CROCC2: variants seen among roughly 807,000 people sequenced by gnomAD.
The protein encoded by CROCC2 is ciliary rootlet coiled-coil, rootletin family member 2.
Under a neutral mutation model 177.6 loss-of-function variants are expected in CROCC2, and 163 were observed. That is an observed-to-expected ratio of 0.92 (90% CI 0.81 to 1.05). CROCC2 has a LOEUF of 1.05. CROCC2 is among the 50% of genes least tolerant of loss of function. The pLI is 0.00. For missense variants in CROCC2, 1,929 were observed against 1,797.8 expected, an observed-to-expected ratio of 1.07 and a Z score of -1.32; for synonymous variants, 904 against 787.3, an observed-to-expected ratio of 1.15 and a Z score of -2.48.
chr2:240,985,777 A>C (rs4675837), intron 28 of CROCC2: 138,019 of 226,140 alleles, frequency 0.61, 45,300 homozygotes, highest in East Asian at 0.86. Flanking sequence ...CCAGGCACTC[A>C]GCACACACCC....
At chr2:240,926,731 G>A (rs190626338) in intron 5 of CROCC2, among the ~76,000 whole-genome samples, 2 of 152,212 alleles carry the variant, frequency 1.3e-5, no homozygotes, top group Non-Finnish European at 2.9e-5. Flanking sequence ...TCCCAGCCCC[G>A]AGCCCCCCAC....
intron 20 of CROCC2, among the ~76,000 whole-genome samples, chr2:240,962,001 ACTC>A (rs2059642793): frequency 7.1e-6 from 1 of 140,452 alleles, no homozygotes; most frequent in Non-Finnish European, 1.5e-5. Flanking sequence ...CCACACACAC[ACTC>A]ATCACCCACA....
intron 3 of CROCC2, among the ~76,000 whole-genome samples, chr2:240,920,910 G>A (rs1172431775): frequency 6.6e-6 from 1 of 152,192 alleles, no homozygotes; most frequent in Non-Finnish European, 1.5e-5. Context: ...GCGTGGAGTG[G>A]GGTGTCCAGC....
Position 240,935,385 on chromosome 2 carries a change from G to C in CROCC2, c.1966G>C (p.Glu656Gln). Residue 656 changes from glutamate to glutamine, a missense_variant, in exon 14 of 32, where the codon GAA becomes CAA. Transcript: ENST00000690015. ...GGAGCAGGAGCGGGACCAGCTGCGG[G>C]AACAGCGGAAGACTCTGGAGCAGGA... ...QLEQERDQLR[E>Q]QRKTLEQERA... is the part of the protein sequence containing the mutation. 1.5e-6 allele frequency: 2 copies of C among 1,361,506 alleles called. No homozygotes were observed. The highest frequency in any genetic ancestry group is 9.5e-7 in the Non-Finnish European group (1 of 1,051,304). 84.3% of individuals were successfully genotyped at this position (1,361,506 alleles called of 1,614,324 possible).
At position 240,960,296 on chromosome 2, in the gene CROCC2, A is replaced by G. The variant is rs928728958; in HGVS notation, c.3087+852A>G. On this transcript the variant is annotated intron_variant, in intron 20 of 31. Transcript: ENST00000690015. This position sits in a 1 kb window ranked among gnomAD's most constrained non-coding sequence, Gnocchi z 5.0. The stretch of plus-strand genomic sequence containing the variant: ...GAGGCTGGATTTGGGGCAGCAGGCA[A>G]GAAAATAAGTGGGTTAGTGGAGATT... 1.4e-4 allele frequency among the ~76,000 whole-genome samples: 22 copies of G among 152,152 alleles called. No individual in the cohort carries two copies. The highest frequency in any genetic ancestry group is 4.4e-5 in the Non-Finnish European group (3 of 68,014).
intron 28 of CROCC2, 90 bp downstream of exon 28, chr2:240,983,119 C>T (rs1296462986): frequency 7.6e-7 from 1 of 1,311,742 alleles, no homozygotes; most frequent in Non-Finnish European, 1.0e-6. Flanking sequence ...TTTGCAGAAT[C>T]AGTCCCTCAA....
Position 240,968,198 on chromosome 2 carries a change from G to C in CROCC2, c.4337G>C (p.Arg1446Pro). 6.5e-7 allele frequency: 1 copy of C among 1,532,942 alleles called. No homozygotes were observed. The highest frequency in any genetic ancestry group is 8.7e-7 in the Non-Finnish European group (1 of 1,145,186). 95.0% of individuals were successfully genotyped at this position (1,532,942 alleles called of 1,614,324 possible). A position where few individuals can be genotyped will look rare whatever the true frequency, so the allele number is the denominator to read the frequency against. The change falls in exon 27 of 32, where the codon CGC (arginine) becomes CCC (proline). Residue 1446 changes from arginine to proline, a missense_variant. By Grantham distance (103) the Arg-to-Pro change is moderately radical. Coordinates refer to ENST00000690015, the MANE Select transcript of CROCC2 (RefSeq NM_001351305.2). ...AARALQKEAL[R>P]RLELEHLASV... Reference sequence around the variant, plus strand: ...CGTGCCCTGCAGAAGGAGGCGCTCCGCAGGCTGGAGTTGGAGCACCTGGCG... The same window carrying C: ...CGTGCCCTGCAGAAGGAGGCGCTCCCCAGGCTGGAGTTGGAGCACCTGGCG...
At chr2:240,991,608 G>C (rs1293705323) in intron 31 of CROCC2, among the ~76,000 whole-genome samples, 2 of 152,188 alleles carry the variant, frequency 1.3e-5, no homozygotes. Context: ...ACCATGCTGC[G>C]GGTCGCTCAT....
chr2:240,961,967 T>C (rs561271497), intron 20 of CROCC2, among the ~76,000 whole-genome samples: 1 of 145,762 alleles, frequency 6.9e-6, no homozygotes, highest in East Asian at 2.1e-4. Flanking sequence ...GCACACCACG[T>C]ACAGAGAGGA....
intron 14 of CROCC2, among the ~76,000 whole-genome samples, chr2:240,935,810 C>A (rs1475934194): frequency 6.6e-6 from 1 of 152,216 alleles, no homozygotes; most frequent in Admixed American, 6.5e-5. Flanking sequence ...CCATATCCAT[C>A]CCGCCACTTG....
intron 2 of CROCC2, among the ~76,000 whole-genome samples, chr2:240,919,591 T>C (rs907175280): frequency 1.3e-5 from 2 of 152,022 alleles, no homozygotes; most frequent in Non-Finnish European, 2.9e-5. Flanking sequence ...GTGTGTGTAT[T>C]TACAAAAGCA....
intron 1 of CROCC2, among the ~76,000 whole-genome samples, chr2:240,915,044 C>CGGAAGCCTT (rs2059311134): frequency 6.6e-6 from 1 of 152,206 alleles, no homozygotes; most frequent in South Asian, 2.1e-4. Flanking sequence ...TCCCTGCAGG[C>CGGAAGCCTT]GGAAGCCTTT....
At chr2:240,961,802 T>TACAC (rs1491561528) in intron 20 of CROCC2, among the ~76,000 whole-genome samples, 1 of 17,776 alleles carries the variant, frequency 5.6e-5, no homozygotes, top group African/African-American at 5.1e-4. Context: ...CACTCACACA[T>TACAC]ACACTCACAT....
Position 240,960,330 on chromosome 2 carries a change from T to G in CROCC2, c.3087+886T>G, listed in dbSNP as rs10174835. Among the ~76,000 whole-genome samples, 92,757 of 151,360 alleles carry G rather than the reference T, an allele frequency of 0.61. 29,460 individuals are homozygous for G. The highest frequency in any genetic ancestry group is 0.79 in the African/African-American group (32,642 of 41,370). ...GTGGGTTAGTGGAGATTTCGGGGTG[T>G]GCCTGGGCCTGGCCAAGGGCCCGAG... On this transcript the variant is annotated intron_variant, in intron 20 of 31. Transcript: ENST00000690015. The surrounding 1 kb of genome is among the most constrained non-coding windows in gnomAD (Gnocchi z 5.0).
intron 25 of CROCC2, 22 bp downstream of exon 25, chr2:240,966,431 C>T (rs757060014): frequency 2.0e-5 from 8 of 400,140 alleles, no homozygotes; most frequent in Non-Finnish European, 1.3e-5. Context: ...TGGGGTCCTC[C>T]CGCCCACGGC....
At position 240,935,011 on chromosome 2, in the gene CROCC2, G is replaced by A. The variant is rs1266398437; in HGVS notation, c.1887G>A (p.Leu629=). ...ACTCCCTGGCCGCAATGGCCGCCTTGATGGAGGGGTTGGCTCAGGACAAAA... is the reference window on the plus strand; with the variant it reads ...ACTCCCTGGCCGCAATGGCCGCCTTAATGGAGGGGTTGGCTCAGGACAAAA... ...QRDSLAAMAA[L]MEGLAQDKSA... is the part of the protein sequence containing the mutation. Residue 629 remains leucine (L), a synonymous_variant, in exon 13 of 32, where the codon TTG becomes TTA. Transcript: ENST00000690015. The A allele has an allele frequency of 4.2e-6, 6 of 1,438,512 alleles. No individual in the cohort carries two copies. The highest frequency in any genetic ancestry group is 5.5e-6 in the Non-Finnish European group (6 of 1,093,974). The allele number at this position is 1,438,512 out of a possible 1,614,324, so 89.1% of individuals were successfully genotyped here. A position where few individuals can be genotyped will look rare whatever the true frequency, so the allele number is the denominator to read the frequency against.
At chr2:240,906,907 G>A (rs1192717767) in intron 1 of CROCC2, among the ~76,000 whole-genome samples, 2 of 149,676 alleles carry the variant, frequency 1.3e-5, no homozygotes, top group East Asian at 4.0e-4. Flanking sequence ...GAGAGAGCCC[G>A]GGGCCGCTGC....
intron 27 of CROCC2, among the ~76,000 whole-genome samples, chr2:240,969,816 C>T (rs1201741540): frequency 6.6e-6 from 1 of 152,166 alleles, no homozygotes; most frequent in Non-Finnish European, 1.5e-5. Flanking sequence ...CAGCAACCTC[C>T]GCCTCCCAGG....
chr2:240,961,817 T>G (rs868208673), intron 20 of CROCC2, among the ~76,000 whole-genome samples: 1 of 61,044 alleles, frequency 1.6e-5, no homozygotes, highest in Admixed American at 2.0e-4. Context: ...TCACATACAC[T>G]CACACACACG....
Sources: allele counts gnomAD v4.1 joint callset (sites outside exome capture counted in the v4.1 genomes callset), GRCh38; gene constraint gnomAD v4.1.1; non-coding constraint Gnocchi (gnomAD v3.1); transcripts MANE v1.5; gene names NCBI Gene and HGNC (gene_info 2026-07-23, HGNC 2026-07-21).